The following JAML variants were observed in gnomAD, a reference collection of about 807,000 sequenced individuals.
The protein encoded by JAML is junctional adhesion molecule-like.
Under a neutral mutation model 39.3 loss-of-function variants are expected in JAML, and 25 were observed. That is an observed-to-expected ratio of 0.64 (90% CI 0.46 to 0.89). JAML has a LOEUF of 0.89. Ranked by LOEUF, JAML falls within the 40% of genes least tolerant of loss-of-function variation. The pLI is 0.00. For synonymous variants in JAML, 162 were observed against 179.2 expected (o/e 0.90, Z 0.77); for missense variants, 440 against 486.9 (o/e 0.90, Z 0.91).
chr11:118,207,058 C>T (rs1384086446), intron 4 of JAML, among the ~76,000 whole-genome samples: 1 of 152,108 alleles, frequency 6.6e-6, no homozygotes, highest in African/African-American at 2.4e-5. Flanking sequence ...AGGAGAAATG[C>T]ACAATAGGAG....
intron 2 of JAML, chr11:118,213,113 T>C: frequency 6.9e-7 from 1 of 1,454,964 alleles, no homozygotes; most frequent in Non-Finnish European, 9.0e-7. Flanking sequence ...ATTTCCACTG[T>C]GTTTATCCTC....
chr11:118,199,054 A>G (rs1284300966), intron 7 of JAML, among the ~76,000 whole-genome samples: 3 of 152,206 alleles, frequency 2.0e-5, no homozygotes, highest in African/African-American at 7.2e-5. Flanking sequence ...TACTCCTTGG[A>G]TATCTTTCCA....
rs763525814 is a variant in JAML, at chr11:118,200,595, C to T, written c.790G>A (p.Ala264Thr). ...CCACCCAAGACCAGAGGCCTCAGGG[C>T]TGCCGGGGTCACCAGTGCTTGGGAA... Reference protein sequence around the residue: ...EEPRTLVTPAALRPLVLGGNQ... With the variant: ...EEPRTLVTPATLRPLVLGGNQ... Residue 264 changes from alanine to threonine, a missense_variant, in exon 7 of 10, where the codon GCC (alanine) becomes ACC (threonine). Transcript: ENST00000356289. 21 of 1,614,138 alleles carry T rather than the reference C, an allele frequency of 1.3e-5. No individual in the cohort carries two copies. In the Admixed American group the frequency reaches 3.0e-4, roughly 23 times the overall value.
intron 2 of JAML, 80 bp from the exon 3 acceptor site, chr11:118,212,641 C>G: frequency 6.4e-7 from 1 of 1,551,310 alleles, no homozygotes; most frequent in South Asian, 1.2e-5. Flanking sequence ...TCATGGAGTA[C>G]TAAACACCCC....
In JAML at chr11:118,210,483, G is replaced by A. The variant is rs527412820; in HGVS notation, c.424+4C>T. 2.7e-5 allele frequency: 44 copies of A among 1,613,464 alleles called. No individual in the cohort carries two copies. Among genetic ancestry groups the A allele is most frequent in the Middle Eastern group, 1.7e-4 (1 of 5,724 alleles). Reference sequence around the variant, plus strand: ...GGCCCCTCTTTAAGTAAGCATTTGCGTACCTTTGGGCTCCTCTGGAAGCAC... The same window carrying A: ...GGCCCCTCTTTAAGTAAGCATTTGCATACCTTTGGGCTCCTCTGGAAGCAC... On this transcript the variant is annotated splice_donor_region_variant and intron_variant, in intron 4 of 9. Coordinates refer to ENST00000356289, the MANE Select transcript of JAML (RefSeq NM_001098526.2).
chr11:118,212,645 A>C, intron 2 of JAML, 84 bp from the exon 3 acceptor site: 1 of 1,548,550 alleles, frequency 6.5e-7, no homozygotes, highest in Non-Finnish European at 8.7e-7. Flanking sequence ...GGAGTACTAA[A>C]CACCCCTCTC....
chr11:118,218,807 T>TA (rs112929836), intron 1 of JAML, among the ~76,000 whole-genome samples: 2 of 152,018 alleles, frequency 1.3e-5, no homozygotes, highest in African/African-American at 4.8e-5. Flanking sequence ...ATTTCAGTTT[T>TA]AAAAAAAATC....
In JAML at chr11:118,197,814, G is replaced by C. The variant is rs1205235833; in HGVS notation, c.1005+184C>G. On this transcript the variant is annotated intron_variant, in intron 8 of 9. Coordinates refer to ENST00000356289, the MANE Select transcript of JAML (RefSeq NM_001098526.2). ...TCTGCTGCCTGGGGCTGTCCCAGCCGACCCCATGCACTGTACTCCGCAGAG... is the reference window on the plus strand; with the variant it reads ...TCTGCTGCCTGGGGCTGTCCCAGCCCACCCCATGCACTGTACTCCGCAGAG... 3 of 564,940 alleles carry C rather than the reference G, an allele frequency of 5.3e-6. No individual in the cohort carries two copies. The African/African-American group carries it at 5.7e-5, about 11-fold the overall frequency. The allele number at this position is 564,940 out of a possible 1,614,324, so 35.0% of individuals were successfully genotyped here. A position where few individuals can be genotyped will look rare whatever the true frequency, so the allele number is the denominator to read the frequency against.
At chr11:118,220,314 G>A (rs1319031389) in intron 1 of JAML, among the ~76,000 whole-genome samples, 2 of 152,196 alleles carry the variant, frequency 1.3e-5, no homozygotes, top group Non-Finnish European at 2.9e-5. Flanking sequence ...ATGCCCTTTA[G>A]AAAGTGCACC....
chr11:118,213,777 C>T (rs889721238), intron 2 of JAML, among the ~76,000 whole-genome samples: 1 of 152,148 alleles, frequency 6.6e-6, no homozygotes, highest in Non-Finnish European at 1.5e-5. Context: ...CTACAAAACC[C>T]CCAGTGCCAC....
At chr11:118,209,768 G>A (rs567132535) in intron 4 of JAML, among the ~76,000 whole-genome samples, 1 of 151,904 alleles carries the variant, frequency 6.6e-6, no homozygotes, top group Non-Finnish European at 1.5e-5. Flanking sequence ...TCTCAAACTG[G>A]CTTCAAGTGA....
At chr11:118,207,887 G>T (rs1413441249) in intron 4 of JAML, among the ~76,000 whole-genome samples, 2 of 152,134 alleles carry the variant, frequency 1.3e-5, no homozygotes, top group East Asian at 3.8e-4. Flanking sequence ...TTCTAAGCAG[G>T]AAAAGGCTAT....
At chr11:118,212,628 C>T (rs1475276744) in intron 2 of JAML, 67 bp from the exon 3 acceptor site, 4 of 1,575,380 alleles carry the variant, frequency 2.5e-6, no homozygotes, top group Non-Finnish European at 3.4e-6. Flanking sequence ...AAATCAATTC[C>T]AATCATGGAG....
rs189291633 is a variant in JAML, at chr11:118,218,992, G to A, written c.-20-4106C>T. On this transcript the variant is annotated intron_variant, in intron 1 of 9. Coordinates refer to ENST00000356289, the MANE Select transcript of JAML (RefSeq NM_001098526.2). ...CTGTTGGCCAAATATTTTGACCTGA[G>A]CTCATGGTTCTTTCACAGTATAAAT... Among the ~76,000 whole-genome samples, 70 of 152,262 alleles carry A rather than the reference G, an allele frequency of 4.6e-4. No homozygotes were observed. In the South Asian group the frequency reaches 6.6e-3, roughly 14 times the overall value.
intron 4 of JAML, among the ~76,000 whole-genome samples, chr11:118,210,251 G>T (rs1008840903): frequency 1.3e-5 from 2 of 152,048 alleles, no homozygotes; most frequent in African/African-American, 4.8e-5. Flanking sequence ...TCCTTCACAG[G>T]GCTTTTGTGA....
intron 1 of JAML, among the ~76,000 whole-genome samples, chr11:118,215,986 A>T (rs1201932810): frequency 1.3e-5 from 2 of 152,136 alleles, no homozygotes; most frequent in Non-Finnish European, 2.9e-5. Flanking sequence ...ATCTGCTAAG[A>T]GGAAAGATAT....
intron 1 of JAML, among the ~76,000 whole-genome samples, chr11:118,223,817 A>G (rs1173196528): frequency 6.6e-6 from 1 of 152,122 alleles, no homozygotes; most frequent in African/African-American, 2.4e-5. Flanking sequence ...TATTACAGAA[A>G]AGAAATCTTC....
chr11:118,220,898 T>TTTCTTA (rs1949203412), intron 1 of JAML, among the ~76,000 whole-genome samples: 1 of 152,210 alleles, frequency 6.6e-6, no homozygotes, highest in South Asian at 2.1e-4. Context: ...GAGGACAGAA[T>TTTCTTA]TCTAGCCCCT....
At chr11:118,202,207 T>A in intron 6 of JAML, 1 of 152,224 alleles carries the variant, frequency 6.6e-6, no homozygotes, top group East Asian at 1.9e-4. Flanking sequence ...CACGTGATTG[T>A]GGTGGTGGTT....
Sources: gnomAD v4.1 joint callset for allele counts (sites outside exome capture counted in the v4.1 genomes callset) on GRCh38, gnomAD v4.1.1 for gene constraint, MANE v1.5 for transcripts, NCBI Gene and HGNC (gene_info 2026-07-23, HGNC 2026-07-21) for gene names.